NCS1: variants seen among roughly 807,000 people sequenced by gnomAD.
NCS1 encodes neuronal calcium sensor 1, also known as frequenin homolog.
NCS1 carries 6 observed loss-of-function variants against 28.4 expected under a neutral mutation model. The ratio of observed to expected loss-of-function variants is 0.21; its 90% CI spans 0.12 to 0.42. The LOEUF (loss-of-function observed/expected upper bound fraction) is 0.42. Among genes scored for constraint, NCS1 ranks in the 10% least tolerant of loss-of-function variants. NCS1 has a pLI of 1.00. For synonymous variants in NCS1, 86 were observed against 99.3 expected (o/e 0.87, Z 0.79); for missense variants, 131 against 241.4 (o/e 0.54, Z 3.03).
In NCS1 at chr9:130,219,924, G is replaced by A. The variant is rs974383420; in HGVS notation, c.307+121G>A. The A allele has an allele frequency of 8.0e-5, 85 of 1,065,080 alleles. No individual in the cohort carries two copies. The highest frequency in any genetic ancestry group is 2.7e-4 in the Middle Eastern group (1 of 3,644). The allele number at this position is 1,065,080 out of a possible 1,614,324, so 66.0% of individuals were successfully genotyped here. On this transcript the variant is annotated intron_variant, in intron 4 of 7. Transcript: ENST00000372398. The surrounding 1 kb of genome is among the most constrained non-coding windows in gnomAD (Gnocchi z 5.7). ...ACCCACTGCAGTGACCACAGATGGC[G>A]TCCCAGCTGTGTCTGCAGAGGGCAG...
intron 2 of NCS1, among the ~76,000 whole-genome samples, chr9:130,214,600 T>TG (rs528576047): frequency 1.3e-5 from 2 of 149,270 alleles, no homozygotes; most frequent in African/African-American, 5.0e-5. Context: ...TCAGATATCG[T>TG]GGGGGTGGGG....
At chr9:130,201,322 C>A (rs1832944877) in intron 2 of NCS1, among the ~76,000 whole-genome samples, 1 of 152,172 alleles carries the variant, frequency 6.6e-6, no homozygotes, top group South Asian at 2.1e-4. Context: ...TTGAGAGGTC[C>A]TTTCCCCTCG....
intron 1 of NCS1, among the ~76,000 whole-genome samples, chr9:130,198,732 G>A (rs1564706965): frequency 6.6e-6 from 1 of 152,224 alleles, no homozygotes; most frequent in East Asian, 1.9e-4. Context: ...GTCAGGGGAA[G>A]CAATTTGCCC....
In NCS1 at chr9:130,222,602, C is replaced by T. The variant is rs782200001; in HGVS notation, c.308-48C>T. Reference sequence around the variant, plus strand: ...GAGGAGGGGCGAGTTGAAGACCCCTCCCCACTGCCCCAGCCCAGGATCACT... The same window carrying T: ...GAGGAGGGGCGAGTTGAAGACCCCTTCCCACTGCCCCAGCCCAGGATCACT... On this transcript the variant is annotated intron_variant, in intron 4 of 7. Coordinates refer to ENST00000372398, the MANE Select transcript of NCS1 (RefSeq NM_014286.4). 6 of 1,561,538 alleles carry T rather than the reference C, an allele frequency of 3.8e-6. No individual in the cohort carries two copies. The African/African-American group carries it at 5.4e-5, about 14-fold the overall frequency.
At chr9:130,199,897 G>GTTTGTTCATTCA (rs1554907263) in intron 1 of NCS1, among the ~76,000 whole-genome samples, 2 of 150,506 alleles carry the variant, frequency 1.3e-5, no homozygotes, top group African/African-American at 4.9e-5. Flanking sequence ...CTGTTCATGT[G>GTTTGTTCATTCA]TTCATTCATT....
intron 4 of NCS1, among the ~76,000 whole-genome samples, chr9:130,221,397 TATATATATATATATATAGAGAG>T (rs1381185615): frequency 6.0e-4 from 37 of 61,222 alleles, no homozygotes; most frequent in Middle Eastern, 8.8e-3. Flanking sequence ...TATATATATA[TATATATATATATATATAGAGAG>T]AGAGAGAGAG....
At chr9:130,204,854 G>C (rs1833003892) in intron 2 of NCS1, among the ~76,000 whole-genome samples, 1 of 152,190 alleles carries the variant, frequency 6.6e-6, no homozygotes, top group South Asian at 2.1e-4. Flanking sequence ...CTGAGATTGA[G>C]GACTTTCTCC....
At chr9:130,224,575 T>A (rs560765238) in intron 6 of NCS1, among the ~76,000 whole-genome samples, 7,417 of 145,362 alleles carry the variant, frequency 0.051, 565 homozygotes, top group African/African-American at 0.17. Flanking sequence ...AAAAATAAAA[T>A]AAAAGGAACC....
At chr9:130,217,556 A>G (rs1434722719) in intron 2 of NCS1, among the ~76,000 whole-genome samples, 3 of 152,144 alleles carry the variant, frequency 2.0e-5, no homozygotes, top group Non-Finnish European at 4.4e-5. Flanking sequence ...CCAAGTGCTC[A>G]CTCTGTGTGC....
At chr9:130,179,041 T>C (rs1234737471) in intron 1 of NCS1, among the ~76,000 whole-genome samples, 10 of 148,282 alleles carry the variant, frequency 6.7e-5, no homozygotes, top group Non-Finnish European at 1.3e-4. Flanking sequence ...TTCAAGCAAA[T>C]CTCCTGTCTC....
At chr9:130,203,228 C>G (rs1554907674) in intron 2 of NCS1, among the ~76,000 whole-genome samples, 1 of 151,588 alleles carries the variant, frequency 6.6e-6, no homozygotes, top group African/African-American at 2.4e-5. Context: ...ACAGTGATTC[C>G]CCTGCCTCAG....
rs1683807230 is a variant in NCS1 at position 130,232,482 on chromosome 9, T to C, written c.*18-508T>C. Among the ~76,000 whole-genome samples the C allele has an allele frequency of 6.6e-6, 1 of 152,230 alleles. No homozygotes were observed. ...CAGATGGTGCAGTGGTAAACATTTA[T>C]TTATTAAGGATAAATATAGGCTGGG... On this transcript the variant is annotated intron_variant, in intron 7 of 7. Transcript: ENST00000372398. The surrounding 1 kb of genome is among the most constrained non-coding windows in gnomAD (Gnocchi z 4.4).
At chr9:130,189,441 CT>C (rs1240623718) in intron 1 of NCS1, among the ~76,000 whole-genome samples, 1 of 152,126 alleles carries the variant, frequency 6.6e-6, no homozygotes, top group African/African-American at 2.4e-5. Flanking sequence ...TTGGGAAATG[CT>C]TGTGGAATGG....
chr9:130,231,524 C>T (rs1554912111), intron 7 of NCS1, among the ~76,000 whole-genome samples: 1 of 151,720 alleles, frequency 6.6e-6, no homozygotes, highest in African/African-American at 2.4e-5. Flanking sequence ...GCTGGGATTA[C>T]AGGCACACAC....
Position 130,235,287 on chromosome 9 carries a change from G to A in NCS1, c.*2315G>A, listed in dbSNP as rs372893934. On this transcript the variant is annotated 3_prime_UTR_variant, in exon 8 of 8. Coordinates refer to ENST00000372398, the MANE Select transcript of NCS1 (RefSeq NM_014286.4). ...CCAACGGCTGAAGTTTCTCAGCTGG[G>A]CTCTGACCTGGGGTCTGGGGCAGGG... 6.6e-6 allele frequency: 1 copy of A among 152,432 alleles called. No homozygotes were observed. The highest frequency in any genetic ancestry group is 6.5e-5 in the Admixed American group (1 of 15,294). 9.4% of individuals were successfully genotyped at this position (152,432 alleles called of 1,614,324 possible). A position where few individuals can be genotyped will look rare whatever the true frequency, so the allele number is the denominator to read the frequency against.
intron 4 of NCS1, among the ~76,000 whole-genome samples, chr9:130,221,395 TATATATATATATATATATAGAG>T (rs1321558278): frequency 6.9e-4 from 45 of 64,916 alleles, no homozygotes; most frequent in South Asian, 1.4e-3. Context: ...TATATATATA[TATATATATATATATATATAGAG>T]AGAGAGAGAG....
rs1833081372 is a variant in NCS1, at chr9:130,209,466, A to G, written c.90-8366A>G. On this transcript the variant is annotated intron_variant, in intron 2 of 7. Coordinates refer to ENST00000372398, the MANE Select transcript of NCS1 (RefSeq NM_014286.4). This position sits in a 1 kb window ranked among gnomAD's most constrained non-coding sequence, Gnocchi z 4.4. ...GGACCCGTGTGTCCTGGGAGCATTC[A>G]ATCATTGGTTCATTTGTTCACTGAT... 1.3e-5 allele frequency among the ~76,000 whole-genome samples: 2 copies of G among 152,186 alleles called. No homozygotes were observed. Among genetic ancestry groups the G allele is most frequent in the Admixed American group, 1.3e-4 (2 of 15,278 alleles).
intron 1 of NCS1, among the ~76,000 whole-genome samples, chr9:130,185,394 T>G (rs1394005562): frequency 1.3e-5 from 2 of 152,248 alleles, no homozygotes; most frequent in Non-Finnish European, 2.9e-5. Flanking sequence ...TGGGCTTTGC[T>G]TTCCGTTTCT....
rs565172222 is a variant in NCS1, at chr9:130,231,308, C to T, written c.*18-1682C>T. Among the ~76,000 whole-genome samples the T allele has an allele frequency of 4.0e-5, 6 of 151,762 alleles. No individual in the cohort carries two copies. In the East Asian group the frequency reaches 9.7e-4, roughly 24 times the overall value. Reference sequence around the variant, plus strand: ...GTGAGGCTGCAGTAAGCTGAGATTGCACCACCGCACTCCAGCCTGGGTGAT... The same window carrying T: ...GTGAGGCTGCAGTAAGCTGAGATTGTACCACCGCACTCCAGCCTGGGTGAT... On this transcript the variant is annotated intron_variant, in intron 7 of 7. Transcript: ENST00000372398.
Sources: gnomAD v4.1 joint callset for allele counts (sites outside exome capture counted in the v4.1 genomes callset) on GRCh38, gnomAD v4.1.1 for gene constraint, Gnocchi (gnomAD v3.1) non-coding constraint, MANE v1.5 for transcripts, NCBI Gene and HGNC (gene_info 2026-07-23, HGNC 2026-07-21) for gene names.